Variants in TMEM217B observed in about 807,000 individuals in gnomAD.
TMEM217B encodes the protein transmembrane protein 217B.
the TMEM217B span, chr6:37,212,883 C>T: frequency 6.6e-7 from 1 of 1,512,330 alleles, no homozygotes; most frequent in Non-Finnish European, 9.0e-7. Context: ...AAATGTGTGT[C>T]TTCTGGTTCA....
chr6:37,218,707 G>A, the TMEM217B span: 26 of 1,614,054 alleles, frequency 1.6e-5, no homozygotes, highest in Admixed American at 2.2e-4. Context: ...GTATTACGAC[G>A]TTTGCAGTTT....
chr6:37,249,584 G>C, the TMEM217B span, among the ~76,000 whole-genome samples: 1 of 152,188 alleles, frequency 6.6e-6, no homozygotes, highest in African/African-American at 2.4e-5. Flanking sequence ...GCCTCCCAAA[G>C]TGTTGGGATT....
At chr6:37,234,924 A>G in the TMEM217B span, among the ~76,000 whole-genome samples, 1 of 152,172 alleles carries the variant, frequency 6.6e-6, no homozygotes, top group Non-Finnish European at 1.5e-5. Context: ...ACCCATGCAC[A>G]ATTTTAATAA....
At chr6:37,234,521 A>G in the TMEM217B span, among the ~76,000 whole-genome samples, 1 of 152,152 alleles carries the variant, frequency 6.6e-6, no homozygotes, top group Non-Finnish European at 1.5e-5. Flanking sequence ...GCCACTAGTG[A>G]TGATACAGTT....
the TMEM217B span, among the ~76,000 whole-genome samples, chr6:37,231,239 T>C: frequency 4.8e-5 from 7 of 146,620 alleles, no homozygotes; most frequent in Non-Finnish European, 1.1e-4. Flanking sequence ...TTTTTTTTTT[T>C]TTTTTTTTTT....
At chr6:37,220,763 G>A in the TMEM217B span, among the ~76,000 whole-genome samples, 1 of 152,004 alleles carries the variant, frequency 6.6e-6, no homozygotes, top group Non-Finnish European at 1.5e-5. Flanking sequence ...AGTACATAGT[G>A]AAAAATAACC....
At chr6:37,214,402 A>C in the TMEM217B span, among the ~76,000 whole-genome samples, 3 of 152,060 alleles carry the variant, frequency 2.0e-5, no homozygotes, top group African/African-American at 7.2e-5. Context: ...TAATTTTTGT[A>C]TTTTTAGTAG....
At chr6:37,226,073 A>G in the TMEM217B span, among the ~76,000 whole-genome samples, 3 of 152,116 alleles carry the variant, frequency 2.0e-5, no homozygotes, top group South Asian at 6.2e-4. Context: ...GACGAAGTGT[A>G]ATGAGAACTA....
chr6:37,219,205 TG>T, the TMEM217B span, among the ~76,000 whole-genome samples: 1 of 151,996 alleles, frequency 6.6e-6, no homozygotes, highest in Non-Finnish European at 1.5e-5. Flanking sequence ...TAAAATAGAT[TG>T]GGGGTGGGGA....
the TMEM217B span, among the ~76,000 whole-genome samples, chr6:37,238,763 G>T: frequency 7.9e-5 from 12 of 152,232 alleles, no homozygotes; most frequent in African/African-American, 2.4e-4. Context: ...GAAAGGGAGA[G>T]ACTTACTTTT....
the TMEM217B span, among the ~76,000 whole-genome samples, chr6:37,223,130 AG>A: frequency 6.6e-6 from 1 of 152,298 alleles, no homozygotes; most frequent in African/African-American, 2.4e-5. Context: ...AGAAGTTAAG[AG>A]ACATGAAAGA....
chr6:37,245,288 G>A, the TMEM217B span, among the ~76,000 whole-genome samples: 3 of 152,238 alleles, frequency 2.0e-5, no homozygotes, highest in Non-Finnish European at 4.4e-5. Flanking sequence ...TGCTGCTAAT[G>A]AGCATTTGAC....
At chr6:37,253,436 C>G in the TMEM217B span, among the ~76,000 whole-genome samples, 1 of 152,122 alleles carries the variant, frequency 6.6e-6, no homozygotes, top group African/African-American at 2.4e-5. Flanking sequence ...CTTTCTCTTC[C>G]TCTCTTTATT....
At chr6:37,218,026 G>C in the TMEM217B span, 1 of 993,714 alleles carries the variant, frequency 1.0e-6, no homozygotes, top group Non-Finnish European at 1.2e-6. Flanking sequence ...AAGAGTGGCA[G>C]TAGGGTCTCT....
the TMEM217B span, among the ~76,000 whole-genome samples, chr6:37,252,306 C>T: frequency 6.6e-6 from 1 of 152,178 alleles, no homozygotes; most frequent in Admixed American, 6.5e-5. Context: ...TATTACACAG[C>T]CCCGAGAGCT....
chr6:37,222,321 C>A, the TMEM217B span, among the ~76,000 whole-genome samples: 2 of 152,172 alleles, frequency 1.3e-5, no homozygotes, highest in African/African-American at 4.8e-5. Context: ...CATCCATGGC[C>A]CCCCCAGGGC....
At chr6:37,249,541 G>A in the TMEM217B span, among the ~76,000 whole-genome samples, 2 of 152,088 alleles carry the variant, frequency 1.3e-5, no homozygotes, top group Non-Finnish European at 2.9e-5. Context: ...AGCTGGTTTC[G>A]AACTCCTGAC....
the TMEM217B span, among the ~76,000 whole-genome samples, chr6:37,246,953 T>A: frequency 6.6e-6 from 1 of 151,104 alleles, no homozygotes; most frequent in African/African-American, 2.4e-5. Flanking sequence ...AGGTGCCGGG[T>A]CCCGCAGTAC....
chr6:37,239,796 T>G, the TMEM217B span, among the ~76,000 whole-genome samples: 1 of 151,740 alleles, frequency 6.6e-6, no homozygotes. Context: ...GCCTAATTCA[T>G]CTATATCGGT....
Sources: allele counts gnomAD v4.1 joint callset (sites outside exome capture counted in the v4.1 genomes callset), GRCh38; gene constraint gnomAD v4.1.1; transcripts MANE v1.5; gene names NCBI Gene and HGNC (gene_info 2026-07-23, HGNC 2026-07-21).